Variants in NTN1 observed in about 807,000 individuals in gnomAD.
NTN1 encodes the protein netrin 1, also known as netrin-1.
In NTN1, 11 loss-of-function variants were observed where a neutral mutation model predicts 54.2. That is an observed-to-expected ratio of 0.20 (90% CI 0.13 to 0.34). The LOEUF is 0.34. Among genes scored for constraint, NTN1 ranks in the 10% least tolerant of loss-of-function variants. NTN1 has a pLI of 1.00. For synonymous variants in NTN1, 371 were observed against 382.0 expected (o/e 0.97, Z 0.33); for missense variants, 740 against 893.1 (o/e 0.83, Z 2.18).
intron 5 of NTN1, among the ~76,000 whole-genome samples, chr17:9,196,529 G>C (rs888086670): frequency 2.6e-5 from 4 of 152,230 alleles, no homozygotes; most frequent in African/African-American, 9.6e-5. Context: ...CTGTTTGTGC[G>C]GCCACACAAT....
At chr17:9,141,297 G>GC (rs917988084) in intron 2 of NTN1, among the ~76,000 whole-genome samples, 48 of 152,112 alleles carry the variant, frequency 3.2e-4, no homozygotes, top group African/African-American at 1.2e-3. Flanking sequence ...TTTAATGAGG[G>GC]GGGGGAGAAG....
the NTN1 span, among the ~76,000 whole-genome samples, chr17:9,004,382 G>C: frequency 6.6e-6 from 1 of 152,286 alleles, no homozygotes; most frequent in Non-Finnish European, 1.5e-5. Flanking sequence ...GGCCTGGAAG[G>C]TGACACGGTG....
intron 2 of NTN1, among the ~76,000 whole-genome samples, chr17:9,139,925 TCATC>T (rs142183988): frequency 0.018 from 2,678 of 152,112 alleles, 75 homozygotes; most frequent in African/African-American, 0.062. Flanking sequence ...CATTCATCCA[TCATC>T]CATCCATCCA....
chr17:9,191,491 G>A (rs116533986), intron 5 of NTN1, among the ~76,000 whole-genome samples: 3,518 of 152,220 alleles, frequency 0.023, 148 homozygotes, highest in African/African-American at 0.079. Context: ...CTGTATCTCA[G>A]AAATCTCTAT....
chr17:9,067,922 G>A (rs1424616479), intron 2 of NTN1, among the ~76,000 whole-genome samples: 1 of 152,104 alleles, frequency 6.6e-6, no homozygotes, highest in African/African-American at 2.4e-5. Context: ...AGTTCAGATT[G>A]TATTGAAGAT....
intron 2 of NTN1, among the ~76,000 whole-genome samples, chr17:9,107,889 G>T (rs1249534949): frequency 6.6e-6 from 1 of 152,172 alleles, no homozygotes; most frequent in Non-Finnish European, 1.5e-5. Flanking sequence ...TACCTTTTTG[G>T]ACAACATTTC....
chr17:9,187,654 CAAAAAAAA>C lies in NTN1; in HGVS notation c.1411+4703_1411+4710del, dbSNP rs763852001. On this transcript the variant is annotated intron_variant, in intron 5 of 6. Transcript: ENST00000173229. ...GCAAAATAGTGAAACCTCATCTCTC[CAAAAAAAA>C]AAAAAAAAAAAAAAAAACATTAGCC... is the stretch of plus-strand genomic sequence containing the variant. Among the ~76,000 whole-genome samples, 19 of 52,906 alleles carry C rather than the reference CAAAAAAAA, an allele frequency of 3.6e-4. 1 individual carries two copies. The highest frequency in any genetic ancestry group is 3.1e-3 in the Admixed American group (12 of 3,820). 34.7% of individuals were successfully genotyped at this position (52,906 alleles called of 152,430 possible). A position where few individuals can be genotyped will look rare whatever the true frequency, so the allele number is the denominator to read the frequency against.
In NTN1 at chr17:9,080,301, T is replaced by C. The variant is rs114594347; in HGVS notation, c.1018+56910T>C. Reference sequence around the variant, plus strand: ...TCTCCTCATTGCTGCTCAGGCCTCGTCTGTCTCCCTCCTTGACTGGTCCTC... The same window carrying C: ...TCTCCTCATTGCTGCTCAGGCCTCGCCTGTCTCCCTCCTTGACTGGTCCTC... On this transcript the variant is annotated intron_variant, in intron 2 of 6. Transcript: ENST00000173229. 3.7e-3 allele frequency among the ~76,000 whole-genome samples: 570 copies of C among 152,312 alleles called. 4 individuals carry two copies. The highest frequency in any genetic ancestry group is 0.013 in the African/African-American group (545 of 41,564).
In NTN1 at chr17:9,207,496, G is replaced by A. The variant is rs544584842; in HGVS notation, c.1412-13672G>A. Among the ~76,000 whole-genome samples the A allele has an allele frequency of 2.8e-3, 426 of 152,238 alleles. 7 individuals carry two copies. Among genetic ancestry groups the A allele is most frequent in the Non-Finnish European group, 7.2e-4 (49 of 68,018 alleles). ...AAGATTGTTACAAACGCTCACCCCC[G>A]CTTAATAAATGAGGAATCGGAGGTT... On this transcript the variant is annotated intron_variant, in intron 5 of 6. Coordinates refer to ENST00000173229, the MANE Select transcript of NTN1 (RefSeq NM_004822.3).
intron 2 of NTN1, among the ~76,000 whole-genome samples, chr17:9,055,773 G>A (rs572270485): frequency 6.6e-6 from 1 of 152,176 alleles, no homozygotes; most frequent in African/African-American, 2.4e-5. Flanking sequence ...CCACACTAGA[G>A]TGCGGTGGGG....
rs546987844 is a variant in NTN1 at position 9,091,610 on chromosome 17, C to T, written c.1018+68219C>T. 1.7e-4 allele frequency among the ~76,000 whole-genome samples: 26 copies of T among 152,092 alleles called. 1 individual carries two copies. The South Asian group carries it at 5.0e-3, about 29-fold the overall frequency. ...CTGGGATTACAGGCATGTGCCACCA[C>T]GCCCGGCTGATTTTGTATTTTTAGT... On this transcript the variant is annotated intron_variant, in intron 2 of 6. Transcript: ENST00000173229.
At chr17:9,134,774 T>C (rs2092275949) in intron 2 of NTN1, among the ~76,000 whole-genome samples, 1 of 152,166 alleles carries the variant, frequency 6.6e-6, no homozygotes. Flanking sequence ...CAGAGCCCGC[T>C]GAGTTTAAGC....
At chr17:9,229,559 A>G (rs1302053291) in intron 6 of NTN1, among the ~76,000 whole-genome samples, 4 of 152,098 alleles carry the variant, frequency 2.6e-5, no homozygotes, top group Non-Finnish European at 5.9e-5. Flanking sequence ...AGTCCTTTAG[A>G]ACACTCAAGA....
At chr17:9,009,683 T>C in the NTN1 span, among the ~76,000 whole-genome samples, 5 of 152,232 alleles carry the variant, frequency 3.3e-5, no homozygotes, top group African/African-American at 1.2e-4. Flanking sequence ...TTCTACATAA[T>C]TGGTTTTTGC....
At chr17:9,031,948 T>C (rs2091889516) in intron 2 of NTN1, among the ~76,000 whole-genome samples, 1 of 150,812 alleles carries the variant, frequency 6.6e-6, no homozygotes, top group African/African-American at 2.5e-5. Context: ...GTGATAGAGA[T>C]GGTGTCTCAA....
At chr17:9,213,115 G>A (rs978256716) in intron 5 of NTN1, among the ~76,000 whole-genome samples, 6 of 152,148 alleles carry the variant, frequency 3.9e-5, no homozygotes, top group Non-Finnish European at 8.8e-5. Context: ...CAGGTGGGAG[G>A]AATAAAAGGG....
At chr17:9,029,012 G>A (rs2091880608) in intron 2 of NTN1, among the ~76,000 whole-genome samples, 1 of 151,970 alleles carries the variant, frequency 6.6e-6, no homozygotes, top group Non-Finnish European at 1.5e-5. Flanking sequence ...GGAGACGGGA[G>A]GTCTCGGAGG....
chr17:9,142,287 T>A, intron 2 of NTN1, among the ~76,000 whole-genome samples: 1 of 143,538 alleles, frequency 7.0e-6, no homozygotes. Flanking sequence ...AGATTTCATC[T>A]CAAAAAGAAA....
chr17:9,163,352 T>C (rs2092363744), intron 3 of NTN1, among the ~76,000 whole-genome samples: 1 of 152,084 alleles, frequency 6.6e-6, no homozygotes, highest in South Asian at 2.1e-4. Context: ...ACAGGTGTGC[T>C]GCATACCAGA....
Sources: gnomAD v4.1 joint callset for allele counts (sites outside exome capture counted in the v4.1 genomes callset) on GRCh38, gnomAD v4.1.1 for gene constraint, MANE v1.5 for transcripts, NCBI Gene and HGNC (gene_info 2026-07-23, HGNC 2026-07-21) for gene names.